PROS1: variants seen among roughly 807,000 people sequenced by gnomAD.
PROS1 encodes vitamin K-dependent protein S.
In PROS1, 29 loss-of-function variants were observed where a neutral mutation model predicts 75.9. That is an observed-to-expected ratio of 0.38 (90% CI 0.28 to 0.52). PROS1 has a LOEUF of 0.52. PROS1 is among the 20% of genes least tolerant of loss of function. The pLI is 0.83. For missense variants in PROS1, 680 were observed against 810.3 expected, an observed-to-expected ratio of 0.84 and a Z score of 1.95; for synonymous variants, 245 against 280.6, an observed-to-expected ratio of 0.87 and a Z score of 1.27.
intron 1 of PROS1, among the ~76,000 whole-genome samples, chr3:93,959,776 A>C (rs2107258167): frequency 6.6e-6 from 1 of 152,246 alleles, no homozygotes; most frequent in African/African-American, 2.4e-5. Flanking sequence ...ACTTTCCAAA[A>C]CTCAAGCTTC....
intron 2 of PROS1, among the ~76,000 whole-genome samples, chr3:93,925,541 T>A (rs1262503894): frequency 6.7e-6 from 1 of 150,346 alleles, no homozygotes; most frequent in East Asian, 2.0e-4. Context: ...AACAAATGTT[T>A]GGTGGGGGTG....
intron 13 of PROS1, 125 bp from the exon 14 acceptor site, chr3:93,877,316 C>T (rs959149952): frequency 8.0e-6 from 5 of 625,866 alleles, no homozygotes; most frequent in Non-Finnish European, 1.1e-5. Context: ...ATGATAGAGC[C>T]TCTAAATTTA....
At chr3:93,948,095 A>G (rs921633753) in intron 1 of PROS1, among the ~76,000 whole-genome samples, 1 of 152,206 alleles carries the variant, frequency 6.6e-6, no homozygotes, top group African/African-American at 2.4e-5. Context: ...CTTACTTAGG[A>G]CTTTCTTCAA....
rs372327393 is a variant in PROS1, at chr3:93,910,767, G to T, written c.260-62C>A. On this transcript the variant is annotated intron_variant, in intron 3 of 14. Transcript: ENST00000394236. ...ACACACATACTTGATCTGAATTCAT[G>T]GTAGGAACTGTCCCAAGAGGTAGGA... 6.6e-6 allele frequency: 9 copies of T among 1,356,362 alleles called. 1 individual carries two copies. In the East Asian group the frequency reaches 9.7e-5, roughly 15 times the overall value. 84.0% of individuals were successfully genotyped at this position (1,356,362 alleles called of 1,614,324 possible).
At chr3:93,875,246 G>T (rs1708164898) in intron 14 of PROS1, among the ~76,000 whole-genome samples, 1 of 151,992 alleles carries the variant, frequency 6.6e-6, no homozygotes, top group South Asian at 2.1e-4. Flanking sequence ...TTTGAGGAAA[G>T]AAATTACTCA....
intron 1 of PROS1, among the ~76,000 whole-genome samples, chr3:93,964,327 G>A (rs1709754005): frequency 6.6e-6 from 1 of 152,148 alleles, no homozygotes; most frequent in Non-Finnish European, 1.5e-5. Context: ...GGAGAACATT[G>A]CTAAATTCTT....
chr3:93,957,528 T>C (rs970812715), intron 1 of PROS1, among the ~76,000 whole-genome samples: 9 of 152,232 alleles, frequency 5.9e-5, no homozygotes, highest in African/African-American at 1.7e-4. Flanking sequence ...TAATGGATTG[T>C]ATGTTTCAAA....
intron 1 of PROS1, among the ~76,000 whole-genome samples, chr3:93,961,413 A>G (rs1709704288): frequency 6.6e-6 from 1 of 152,220 alleles, no homozygotes; most frequent in Non-Finnish European, 1.5e-5. Flanking sequence ...TGAGGGCCAC[A>G]TGGCGGGAAT....
intron 6 of PROS1, among the ~76,000 whole-genome samples, chr3:93,901,627 A>C (rs1480850622): frequency 2.0e-5 from 3 of 152,206 alleles, no homozygotes; most frequent in East Asian, 3.8e-4. Flanking sequence ...GAGAAAGACA[A>C]ATTCAGAACA....
At chr3:93,967,986 C>T (rs1709815871) in intron 1 of PROS1, 1 of 152,114 alleles carries the variant, frequency 6.6e-6, no homozygotes, top group Non-Finnish European at 1.5e-5. Context: ...TAAGTTGATA[C>T]ACAACCTCCA....
intron 9 of PROS1, among the ~76,000 whole-genome samples, chr3:93,895,767 C>A (rs1027306346): frequency 6.6e-6 from 1 of 152,070 alleles, no homozygotes; most frequent in Non-Finnish European, 1.5e-5. Context: ...GAGTTTGAGA[C>A]AACCCTGGGC....
chr3:93,969,911 T>C (rs914682128), intron 1 of PROS1, among the ~76,000 whole-genome samples: 1 of 152,224 alleles, frequency 6.6e-6, no homozygotes, highest in South Asian at 2.1e-4. Flanking sequence ...AAATATAAAC[T>C]TGATGAACAG....
intron 1 of PROS1, among the ~76,000 whole-genome samples, chr3:93,973,136 A>C (rs1007317531): frequency 6.6e-6 from 1 of 152,182 alleles, no homozygotes; most frequent in Non-Finnish European, 1.5e-5. Flanking sequence ...TTTTGATTTC[A>C]GGGTTAGAAA....
chr3:93,889,032 T>G (rs1442371095), intron 10 of PROS1, among the ~76,000 whole-genome samples: 1 of 152,212 alleles, frequency 6.6e-6, no homozygotes, highest in Non-Finnish European at 1.5e-5. Context: ...AAACACATCC[T>G]ATTCCAAGAA....
intron 1 of PROS1, among the ~76,000 whole-genome samples, chr3:93,968,429 C>T (rs1305528238): frequency 6.6e-6 from 1 of 152,172 alleles, no homozygotes; most frequent in African/African-American, 2.4e-5. Context: ...TCAGAAGAAA[C>T]CAACCTTCCT....
At chr3:93,882,345 T>C (rs1708284913) in intron 12 of PROS1, among the ~76,000 whole-genome samples, 1 of 152,206 alleles carries the variant, frequency 6.6e-6, no homozygotes, top group African/African-American at 2.4e-5. Flanking sequence ...GTATTACTTC[T>C]AAGGTTAAAA....
chr3:93,961,072 T>C (rs1709699787), intron 1 of PROS1, among the ~76,000 whole-genome samples: 1 of 152,084 alleles, frequency 6.6e-6, no homozygotes, highest in Non-Finnish European at 1.5e-5. Context: ...TTCATGATTC[T>C]AAAAAAGGGA....
At chr3:93,931,254 G>A (rs1709101236) in intron 1 of PROS1, among the ~76,000 whole-genome samples, 1 of 152,146 alleles carries the variant, frequency 6.6e-6, no homozygotes, top group African/African-American at 2.4e-5. Flanking sequence ...CCTTAGCCCA[G>A]TGCTCTTTTC....
rs374811075 is a variant in PROS1 at position 93,953,192 on chromosome 3, T to C, written c.76+20482A>G. On this transcript the variant is annotated intron_variant, in intron 1 of 14. Coordinates refer to ENST00000394236, the MANE Select transcript of PROS1 (RefSeq NM_000313.4). ...TTCCTTCTGGAACTATTCCAATCAA[T>C]AGAAAAAGAGGAAATCCTCCCTAAC... is the stretch of plus-strand genomic sequence containing the variant. 3.7e-4 allele frequency among the ~76,000 whole-genome samples: 56 copies of C among 152,138 alleles called. No individual in the cohort carries two copies. In the Middle Eastern group the frequency reaches 0.014, roughly 37 times the overall value.
Sources: allele counts gnomAD v4.1 joint callset (sites outside exome capture counted in the v4.1 genomes callset), GRCh38; gene constraint gnomAD v4.1.1; transcripts MANE v1.5; gene names NCBI Gene and HGNC (gene_info 2026-07-23, HGNC 2026-07-21).